The following ANO6 variants were observed in gnomAD, a reference collection of about 807,000 sequenced individuals.
The protein encoded by ANO6 is anoctamin-6.
A neutral mutation model predicts 117.5 loss-of-function variants in ANO6; 106 were observed. The observed-to-expected ratio is 0.90, with a 90% CI of 0.77 to 1.06. ANO6 has a LOEUF of 1.06. ANO6 is among the 50% of genes least tolerant of loss of function. The pLI, the probability that ANO6 is intolerant of heterozygous loss-of-function variation, is 0.00. For synonymous variants in ANO6, 367 were observed against 385.1 expected (o/e 0.95, Z 0.55); for missense variants, 955 against 1,121.1 (o/e 0.85, Z 2.12).
At chr12:45,380,111 A>G (rs962713129) in intron 10 of ANO6, among the ~76,000 whole-genome samples, 4 of 152,130 alleles carry the variant, frequency 2.6e-5, no homozygotes, top group African/African-American at 9.7e-5. Context: ...ATGAAAGTTG[A>G]GAGTAGAAAA....
At chr12:45,354,863 A>C (rs1284152904) in intron 7 of ANO6, among the ~76,000 whole-genome samples, 1 of 152,236 alleles carries the variant, frequency 6.6e-6, no homozygotes, top group Non-Finnish European at 1.5e-5. Context: ...TAATGTAACT[A>C]TGTCAGGATG....
intron 17 of ANO6, among the ~76,000 whole-genome samples, chr12:45,420,561 T>C (rs1943332443): frequency 6.6e-6 from 1 of 152,188 alleles, no homozygotes; most frequent in Admixed American, 6.5e-5. Flanking sequence ...GCTGTGATCA[T>C]GCCAGTGCAC....
At chr12:45,342,781 A>G (rs974332692) in intron 3 of ANO6, among the ~76,000 whole-genome samples, 3 of 152,218 alleles carry the variant, frequency 2.0e-5, no homozygotes, top group African/African-American at 7.2e-5. Flanking sequence ...CCACTGAAGT[A>G]AGGGCAGTAA....
At chr12:45,376,248 TTGG>T (rs1170463094) in intron 9 of ANO6, among the ~76,000 whole-genome samples, 1 of 129,770 alleles carries the variant, frequency 7.7e-6, no homozygotes, top group Non-Finnish European at 1.6e-5. Context: ...TTTTACACTG[TTGG>T]TGGGACTGTA....
intron 1 of ANO6, among the ~76,000 whole-genome samples, chr12:45,248,222 T>A (rs1565644144): frequency 6.6e-6 from 1 of 152,156 alleles, no homozygotes. Context: ...ACAAAGCACT[T>A]GTGTCTCACT....
At chr12:45,384,492 C>G (rs949398333) in intron 10 of ANO6, among the ~76,000 whole-genome samples, 1 of 152,158 alleles carries the variant, frequency 6.6e-6, no homozygotes, top group Non-Finnish European at 1.5e-5. Flanking sequence ...ATGTGTGAGT[C>G]TTGCTTTCAC....
intron 9 of ANO6, among the ~76,000 whole-genome samples, chr12:45,376,983 G>A (rs1942043593): frequency 1.3e-5 from 2 of 151,996 alleles, no homozygotes; most frequent in East Asian, 3.9e-4. Context: ...AAAATTAGAT[G>A]GATGAGAATG....
intron 15 of ANO6, 67 bp from the exon 16 acceptor site, chr12:45,409,290 G>A: frequency 6.3e-7 from 1 of 1,590,110 alleles, no homozygotes; most frequent in Non-Finnish European, 8.6e-7. Context: ...TGAGATAGCA[G>A]CAAAATATTT....
chr12:45,318,277 A>G (rs1940123449), intron 2 of ANO6, among the ~76,000 whole-genome samples: 1 of 152,114 alleles, frequency 6.6e-6, no homozygotes, highest in Non-Finnish European at 1.5e-5. Context: ...TAAGTCTTTA[A>G]TCCATCTTGA....
intron 10 of ANO6, among the ~76,000 whole-genome samples, chr12:45,385,486 G>A (rs1363126319): frequency 6.6e-6 from 1 of 152,142 alleles, no homozygotes; most frequent in Non-Finnish European, 1.5e-5. Context: ...GCTTTGGTAA[G>A]TGGGTGGTGT....
intron 1 of ANO6, chr12:45,256,435 T>C (rs1253566227): frequency 6.6e-6 from 1 of 152,220 alleles, no homozygotes; most frequent in Non-Finnish European, 1.5e-5. Context: ...TATTTGATTG[T>C]TACTACTGTT....
At chr12:45,364,424 A>T (rs779551499) in intron 8 of ANO6, among the ~76,000 whole-genome samples, 4 of 152,120 alleles carry the variant, frequency 2.6e-5, no homozygotes, top group Non-Finnish European at 5.9e-5. Context: ...TGGGACTTCT[A>T]TAATGTATGT....
intron 1 of ANO6, among the ~76,000 whole-genome samples, chr12:45,251,563 G>C (rs1947900988): frequency 6.6e-6 from 1 of 152,048 alleles, no homozygotes; most frequent in Non-Finnish European, 1.5e-5. Context: ...CCCCTGTAGT[G>C]GGACTTACTA....
At chr12:45,356,395 C>A (rs188658806) in intron 7 of ANO6, among the ~76,000 whole-genome samples, 1 of 152,146 alleles carries the variant, frequency 6.6e-6, no homozygotes, top group Non-Finnish European at 1.5e-5. Flanking sequence ...GACACCCGCA[C>A]ACACATACAG....
intron 1 of ANO6, among the ~76,000 whole-genome samples, chr12:45,255,004 C>G (rs1172768681): frequency 6.6e-6 from 1 of 152,120 alleles, no homozygotes; most frequent in Non-Finnish European, 1.5e-5. Flanking sequence ...AACTTACTTT[C>G]CATATATATC....
chr12:45,308,534 A>C (rs1199116759), intron 2 of ANO6, among the ~76,000 whole-genome samples: 1 of 152,040 alleles, frequency 6.6e-6, no homozygotes, highest in Non-Finnish European at 1.5e-5. Flanking sequence ...GGGGAAATGG[A>C]ATGTCATTGC....
chr12:45,405,480 C>A (rs927941706), intron 15 of ANO6, among the ~76,000 whole-genome samples: 1 of 152,204 alleles, frequency 6.6e-6, no homozygotes, highest in Admixed American at 6.5e-5. Context: ...ACTTTGCCTT[C>A]AAATTTCTCC....
chr12:45,392,448 C>G (rs1454720598), intron 12 of ANO6, among the ~76,000 whole-genome samples: 1 of 152,242 alleles, frequency 6.6e-6, no homozygotes, highest in African/African-American at 2.4e-5. Flanking sequence ...GCAGCAGAAA[C>G]TTCTGCAGAC....
chr12:45,432,234 TAATG>T lies in ANO6; in HGVS notation c.*2924_*2927del. On this transcript the variant is annotated 3_prime_UTR_variant, in exon 20 of 20. Transcript: ENST00000320560. ...TGGCATAAGATGTAAAGTTTGTAAT[TAATG>T]TTAATTTCTGTGCATTTTAATATTC... is the stretch of plus-strand genomic sequence containing the variant. 1 of 959,430 alleles carries T rather than the reference TAATG, an allele frequency of 1.0e-6. No homozygotes were observed. The highest frequency in any genetic ancestry group is 1.2e-6 in the Non-Finnish European group (1 of 808,124). The allele number at this position is 959,430 out of a possible 1,614,324, so 59.4% of individuals were successfully genotyped here. A position where few individuals can be genotyped will look rare whatever the true frequency, so the allele number is the denominator to read the frequency against.
Sources: gnomAD v4.1 joint callset for allele counts (sites outside exome capture counted in the v4.1 genomes callset) on GRCh38, gnomAD v4.1.1 for gene constraint, MANE v1.5 for transcripts, NCBI Gene and HGNC (gene_info 2026-07-23, HGNC 2026-07-21) for gene names.